Variants in NXF1 observed in about 807,000 individuals in gnomAD.
NXF1 encodes the protein nuclear RNA export factor 1.
Under a neutral mutation model 92.4 loss-of-function variants are expected in NXF1, and 43 were observed. The observed-to-expected ratio is 0.47, with a 90% CI of 0.36 to 0.60. The LOEUF is 0.60. Among genes scored for constraint, NXF1 ranks in the 20% least tolerant of loss-of-function variants. The probability of loss-of-function intolerance (pLI) is 0.00; values close to 1 mark genes in which losing one functional copy is unlikely to be tolerated. For synonymous variants in NXF1, 288 were observed against 292.2 expected (o/e 0.99, Z 0.15); for missense variants, 576 against 793.0 (o/e 0.73, Z 3.29).
Position 62,798,554 on chromosome 11 carries a change from G to A in NXF1, c.1038C>T (p.Pro346=). ...TYISAIRERF[P]KLLRLDGHEL... ...ATGGACTTACCAGGCGTAGTAACTTGGGAAATCGTTCGCGAATGGCGCTGT... is the reference window on the plus strand; with the variant it reads ...ATGGACTTACCAGGCGTAGTAACTTAGGAAATCGTTCGCGAATGGCGCTGT... Residue 346 remains proline, a synonymous_variant, in exon 11 of 21, where the codon CCC becomes CCT. Transcript: ENST00000294172. 2 of 1,614,124 alleles carry A rather than the reference G, an allele frequency of 1.2e-6. No homozygotes were observed. Among genetic ancestry groups the A allele is most frequent in the Non-Finnish European group, 1.7e-6 (2 of 1,179,978 alleles).
In NXF1 at chr11:62,792,342, C is replaced by G; in HGVS notation, c.*134G>C. 3.8e-6 allele frequency: 4 copies of G among 1,060,382 alleles called. No homozygotes were observed. The highest frequency in any genetic ancestry group is 4.7e-5 in the East Asian group (2 of 42,196). The allele number at this position is 1,060,382 out of a possible 1,614,324, so 65.7% of individuals were successfully genotyped here. On this transcript the variant is annotated 3_prime_UTR_variant, in exon 21 of 21. Coordinates refer to ENST00000294172, the MANE Select transcript of NXF1 (RefSeq NM_006362.5). ...CCAGAAGGCAGGCGAGGAGAGGGAT[C>G]AGGCAGCCCTCCCTCCCTCGGTCAC...
Position 62,801,986 on chromosome 11 carries a change from A to G in NXF1, c.514T>C (p.Leu172=), listed in dbSNP as rs200473809. 3.3e-5 allele frequency: 54 copies of G among 1,614,146 alleles called. No individual in the cohort carries two copies. The highest frequency in any genetic ancestry group is 2.5e-4 in the Admixed American group (15 of 60,012). Residue 172 remains leucine (L), a synonymous_variant, in exon 5 of 21, where the codon TTG becomes CTG. Coordinates refer to ENST00000294172, the MANE Select transcript of NXF1 (RefSeq NM_006362.5). ...FVEDASTASA[L]KAVNYKILDR... ...AAAATCTTATAGTTGACAGCCTTCA[A>G]TGCAGAGGCAGTACTGGCGTCTTCA...
chr11:62,794,563 T>G (rs537532606), intron 18 of NXF1, 123 bp from the exon 19 acceptor site: 7 of 828,374 alleles, frequency 8.5e-6, no homozygotes, highest in South Asian at 5.2e-5. Context: ...TATTGTTACC[T>G]TTTATCATTT....
intron 10 of NXF1, 159 bp from the exon 11 acceptor site, chr11:62,798,734 C>T: frequency 7.0e-7 from 1 of 1,431,348 alleles, no homozygotes; most frequent in East Asian, 2.6e-5. Context: ...GGCCCCCACT[C>T]CCCACCTGAC....
intron 6 of NXF1, 41 bp downstream of exon 6, chr11:62,801,698 G>A: frequency 5.0e-6 from 8 of 1,609,138 alleles, no homozygotes; most frequent in Non-Finnish European, 6.8e-6. Context: ...GTGAGAAGTA[G>A]TAAGACTGGG....
In NXF1 at chr11:62,802,256, G is replaced by A; in HGVS notation, c.374C>T (p.Pro125Leu). 1 of 1,613,696 alleles carries A rather than the reference G, an allele frequency of 6.2e-7. No homozygotes were observed. Among genetic ancestry groups the A allele is most frequent in the Non-Finnish European group, 8.5e-7 (1 of 1,179,634 alleles). Residue 125 changes from proline to leucine, a missense_variant, in exon 4 of 21, where the codon CCT becomes CTT. By Grantham distance (98) the Pro-to-Leu change is moderately conservative. Coordinates refer to ENST00000294172, the MANE Select transcript of NXF1 (RefSeq NM_006362.5). The stretch of plus-strand genomic sequence containing the variant: ...TGCCTTGTCATACTTTCTGCCATAA[G>A]GAATCTAGAAATGAGAGAAAGAGAA... ...TSKNWFKITI[P>L]YGRKYDKAWL...
At chr11:62,797,077 A>C (rs576299482) in intron 13 of NXF1, 106 bp downstream of exon 13, 42 of 1,078,928 alleles carry the variant, frequency 3.9e-5, no homozygotes, top group Middle Eastern at 2.7e-4. Flanking sequence ...AAAAAAAAAA[A>C]AAAAAACAAA....
chr11:62,804,179 C>T lies in NXF1; in HGVS notation c.29-201G>A, dbSNP rs776658958. The T allele has an allele frequency of 5.5e-5, 84 of 1,526,866 alleles. 1 individual carries two copies. In the South Asian group the frequency reaches 5.5e-4, roughly 10 times the overall value. The allele number at this position is 1,526,866 out of a possible 1,614,324, so 94.6% of individuals were successfully genotyped here. ...GCATCAGGGAAAAGTTACTGGAAAA[C>T]TGTGTAGGGCTTTTGAAAAATGAAG... On this transcript the variant is annotated intron_variant, in intron 1 of 20. Coordinates refer to ENST00000294172, the MANE Select transcript of NXF1 (RefSeq NM_006362.5).
intron 10 of NXF1, 157 bp downstream of exon 10, chr11:62,800,220 A>C: frequency 4.8e-6 from 7 of 1,450,048 alleles, no homozygotes; most frequent in Non-Finnish European, 6.4e-6. Flanking sequence ...TGGAAGACAC[A>C]GACAGACCAA....
intron 11 of NXF1, 86 bp from the exon 12 acceptor site, chr11:62,797,472 G>A: frequency 5.0e-6 from 6 of 1,190,320 alleles, no homozygotes; most frequent in Non-Finnish European, 7.3e-6. Flanking sequence ...GGCCGAGGCA[G>A]GCAGATGGCT....
chr11:62,803,366 C>T (rs1048858623), intron 3 of NXF1, 53 bp downstream of exon 3: 8 of 1,430,312 alleles, frequency 5.6e-6, no homozygotes, highest in South Asian at 1.2e-5. Flanking sequence ...CATCTCCACT[C>T]TCAGCGTGGC....
chr11:62,798,659 G>A (rs775115710), intron 10 of NXF1, 84 bp from the exon 11 acceptor site: 32 of 1,594,758 alleles, frequency 2.0e-5, no homozygotes, highest in Non-Finnish European at 2.2e-5. Context: ...TACCAAACCC[G>A]AGGGACAGCC....
At chr11:62,797,135 A>G in intron 13 of NXF1, 48 bp downstream of exon 13, 1 of 1,538,344 alleles carries the variant, frequency 6.5e-7, no homozygotes, top group Non-Finnish European at 9.0e-7. Context: ...TCTGCCCACC[A>G]TTCCCCCTCA....
chr11:62,798,947 C>G, intron 10 of NXF1: 1 of 1,061,222 alleles, frequency 9.4e-7, no homozygotes. Flanking sequence ...CGCTGCCTCA[C>G]CAGGTATCCA....
chr11:62,805,085 G>A, intron 1 of NXF1: 1 of 373,028 alleles, frequency 2.7e-6, no homozygotes, highest in Non-Finnish European at 4.7e-6. Flanking sequence ...AAAGTTCAAA[G>A]GAATCCCGTC....
At chr11:62,801,895 TGA>T (rs2084483010) in intron 5 of NXF1, 45 bp downstream of exon 5, 1 of 1,606,988 alleles carries the variant, frequency 6.2e-7, no homozygotes, top group South Asian at 1.1e-5. Context: ...GTCCCTGCTC[TGA>T]GCACCAACCT....
chr11:62,793,099 A>G (rs1316767043), intron 19 of NXF1, among the ~76,000 whole-genome samples: 10 of 138,632 alleles, frequency 7.2e-5, no homozygotes, highest in South Asian at 2.2e-4. Flanking sequence ...TTTTTTTTTG[A>G]GACCGAGTCT....
At chr11:62,796,430 C>A (rs2084420932) in intron 14 of NXF1, 30 bp downstream of exon 14, 3 of 1,612,682 alleles carry the variant, frequency 1.9e-6, no homozygotes, top group Non-Finnish European at 2.5e-6. Context: ...ACCCAGTGGT[C>A]CCGGGCAGAT....
At position 62,795,869 on chromosome 11, in the gene NXF1, C is replaced by T. The variant is rs2298634; in HGVS notation, c.1504+32G>A. On this transcript the variant is annotated intron_variant, in intron 17 of 20. Transcript: ENST00000294172. ...AAAATTCCAGCTGGGGGTGGGACCACGCTACAAACTCGGGACTCTAAAGAT... is the reference window on the plus strand; with the variant it reads ...AAAATTCCAGCTGGGGGTGGGACCATGCTACAAACTCGGGACTCTAAAGAT... The T allele has an allele frequency of 8.5e-5, 137 of 1,604,852 alleles. 1 individual carries two copies. In the East Asian group the frequency reaches 1.9e-3, roughly 22 times the overall value.
Sources: allele counts gnomAD v4.1 joint callset (sites outside exome capture counted in the v4.1 genomes callset), GRCh38; gene constraint gnomAD v4.1.1; transcripts MANE v1.5; gene names NCBI Gene and HGNC (gene_info 2026-07-23, HGNC 2026-07-21).